The following USP33 variants were observed in gnomAD, a reference collection of about 807,000 sequenced individuals.
USP33 encodes ubiquitin specific peptidase 33, also known as ubiquitin carboxyl-terminal hydrolase 33.
USP33 carries 46 observed loss-of-function variants against 124.2 expected under a neutral mutation model. The ratio of observed to expected loss-of-function variants is 0.37; its 90% CI spans 0.29 to 0.47. The LOEUF is 0.47. Ranked by LOEUF, USP33 falls within the 20% of genes least tolerant of loss-of-function variation. The pLI is 0.99. For synonymous variants in USP33, 350 were observed against 352.3 expected (o/e 0.99, Z 0.07); for missense variants, 851 against 1,070.6 (o/e 0.79, Z 2.86).
At chr1:77,700,033 C>A (rs1406044854) in intron 22 of USP33, among the ~76,000 whole-genome samples, 1 of 150,876 alleles carries the variant, frequency 6.6e-6, no homozygotes, top group Non-Finnish European at 1.5e-5. Context: ...ACACTAGGGC[C>A]TGTTGGTGGG....
At chr1:77,706,045 T>A (rs1381202830) in intron 21 of USP33, among the ~76,000 whole-genome samples, 1 of 152,220 alleles carries the variant, frequency 6.6e-6, no homozygotes, top group South Asian at 2.1e-4. Flanking sequence ...ATTTTGTTTA[T>A]CCATTTGTCA....
At chr1:77,745,228 A>C (rs1679620921) in intron 1 of USP33, among the ~76,000 whole-genome samples, 1 of 152,196 alleles carries the variant, frequency 6.6e-6, no homozygotes. Flanking sequence ...CTGTTTTATC[A>C]GAGACTAGGA....
At chr1:77,747,912 A>C (rs1679899904) in intron 1 of USP33, among the ~76,000 whole-genome samples, 1 of 152,186 alleles carries the variant, frequency 6.6e-6, no homozygotes, top group East Asian at 1.9e-4. Context: ...CTTTTATTAA[A>C]TCTGCACATA....
At chr1:77,735,624 A>C (rs1325864402) in intron 6 of USP33, among the ~76,000 whole-genome samples, 1 of 152,252 alleles carries the variant, frequency 6.6e-6, no homozygotes, top group Non-Finnish European at 1.5e-5. Context: ...TGGGCCTAAA[A>C]GAATATGAAA....
chr1:77,744,723 T>C (rs989529224), intron 1 of USP33, among the ~76,000 whole-genome samples: 9 of 152,066 alleles, frequency 5.9e-5, no homozygotes, highest in African/African-American at 2.2e-4. Flanking sequence ...CACGTGCCTA[T>C]AGTCCCACCT....
chr1:77,714,432 G>C (rs1272828862), intron 19 of USP33, among the ~76,000 whole-genome samples, 182 bp downstream of exon 19: 1 of 152,120 alleles, frequency 6.6e-6, no homozygotes, highest in Non-Finnish European at 1.5e-5. Context: ...AGAAGCTAGA[G>C]ATTACCTACA....
intron 10 of USP33, 116 bp from the exon 11 acceptor site, chr1:77,725,878 A>C: frequency 1.6e-5 from 16 of 1,019,122 alleles, no homozygotes; most frequent in Admixed American, 6.0e-5. Flanking sequence ...AACAAATGTC[A>C]AGTTAAATAC....
Position 77,721,220 on chromosome 1 carries a change from G to A in USP33, c.1658-15C>T, listed in dbSNP as rs368680892. 10 of 1,613,526 alleles carry A rather than the reference G, an allele frequency of 6.2e-6. No homozygotes were observed. The Admixed American group carries it at 1.3e-4, about 22-fold the overall frequency. On this transcript the variant is annotated splice_polypyrimidine_tract_variant and intron_variant, in intron 14 of 23. Coordinates refer to ENST00000370794, the MANE Select transcript of USP33 (RefSeq NM_201624.3). ...CATATTGTCACCTGCAAATAAAACA[G>A]ATCTGGCATTGGTTTCAAATTAACA...
chr1:77,759,557 G>T, intron 1 of USP33, 86 bp downstream of exon 1: 1 of 398,102 alleles, frequency 2.5e-6, no homozygotes. Context: ...CAACCCCAGC[G>T]CGCGGAAGCG....
At chr1:77,723,545 G>A in intron 11 of USP33, 102 bp from the exon 12 acceptor site, 1 of 722,224 alleles carries the variant, frequency 1.4e-6, no homozygotes, top group Non-Finnish European at 2.2e-6. Flanking sequence ...ATGATCTCTA[G>A]AATCCTTAAA....
chr1:77,716,341 T>C (rs1365818746), intron 17 of USP33, among the ~76,000 whole-genome samples: 1 of 152,180 alleles, frequency 6.6e-6, no homozygotes, highest in Non-Finnish European at 1.5e-5. Context: ...ATTACAGGCA[T>C]GAGTCATTAA....
At chr1:77,722,774 G>A (rs1284146882) in intron 12 of USP33, among the ~76,000 whole-genome samples, 1 of 152,036 alleles carries the variant, frequency 6.6e-6, no homozygotes, top group Non-Finnish European at 1.5e-5. Flanking sequence ...ATTCATCATT[G>A]CACTAAAGTA....
chr1:77,717,055 C>T (rs1015704572), intron 17 of USP33, among the ~76,000 whole-genome samples: 1 of 151,704 alleles, frequency 6.6e-6, no homozygotes. Context: ...TTAGTAGAGA[C>T]GGGGTTTCAC....
chr1:77,703,492 T>C (rs1324366741), intron 21 of USP33, among the ~76,000 whole-genome samples: 1 of 152,064 alleles, frequency 6.6e-6, no homozygotes, highest in East Asian at 1.9e-4. Flanking sequence ...GGCATGGTGG[T>C]GGGTGCCTGT....
intron 11 of USP33, 79 bp from the exon 12 acceptor site, chr1:77,723,522 A>G (rs1676812891): frequency 1.1e-6 from 1 of 933,920 alleles, no homozygotes; most frequent in African/African-American, 1.7e-5. Flanking sequence ...TGTCTTGTCA[A>G]TCTTACTTGT....
intron 9 of USP33, among the ~76,000 whole-genome samples, 155 bp from the exon 10 acceptor site, chr1:77,728,867 T>C (rs1421484558): frequency 6.6e-6 from 1 of 152,076 alleles, no homozygotes; most frequent in Non-Finnish European, 1.5e-5. Context: ...ACTAGATAAA[T>C]GAGATGCATT....
At position 77,722,326 on chromosome 1, in the gene USP33, C is replaced by T. The variant is rs147287599; in HGVS notation, c.1390-130G>A. The stretch of plus-strand genomic sequence containing the variant: ...AAAAAACAAAAAACAAAAAAAAACA[C>T]GCAAATTGAACTGCTTTCATAGTCA... On this transcript the variant is annotated intron_variant, in intron 12 of 23. Coordinates refer to ENST00000370794, the MANE Select transcript of USP33 (RefSeq NM_201624.3). 366 of 880,390 alleles carry T rather than the reference C, an allele frequency of 4.2e-4. 2 individuals carry two copies. In the African/African-American group the frequency reaches 4.9e-3, roughly 12 times the overall value. 54.5% of individuals were successfully genotyped at this position (880,390 alleles called of 1,614,324 possible).
At chr1:77,736,017 C>T in intron 6 of USP33, 39 bp downstream of exon 6, 3 of 1,391,470 alleles carry the variant, frequency 2.2e-6, no homozygotes, top group Non-Finnish European at 3.0e-6. Context: ...AAGAAATGGG[C>T]AGTGCCATAC....
chr1:77,713,450 C>A, intron 19 of USP33, 169 bp from the exon 20 acceptor site: 2 of 540,632 alleles, frequency 3.7e-6, no homozygotes, highest in Non-Finnish European at 3.1e-6. Context: ...GTGGCATGAT[C>A]ATGGCTCACA....
Sources: gnomAD v4.1 joint callset for allele counts (sites outside exome capture counted in the v4.1 genomes callset) on GRCh38, gnomAD v4.1.1 for gene constraint, MANE v1.5 for transcripts, NCBI Gene and HGNC (gene_info 2026-07-23, HGNC 2026-07-21) for gene names.